The following SHPRH variants were observed in gnomAD, a reference collection of about 807,000 sequenced individuals.
SHPRH encodes the protein SNF2 histone linker PHD RING helicase, also known as E3 ubiquitin-protein ligase SHPRH.
A neutral mutation model predicts 202.5 loss-of-function variants in SHPRH; 106 were observed. That is an observed-to-expected ratio of 0.52 (90% CI 0.45 to 0.62). The LOEUF (loss-of-function observed/expected upper bound fraction) is 0.62. Ranked by LOEUF, SHPRH falls within the 20% of genes least tolerant of loss-of-function variation. SHPRH has a pLI of 0.00. For missense variants in SHPRH, 1,710 were observed against 2,020.0 expected, an observed-to-expected ratio of 0.85 and a Z score of 2.94; for synonymous variants, 729 against 686.0, an observed-to-expected ratio of 1.06 and a Z score of -0.98.
intron 22 of SHPRH, chr6:145,918,478 T>C (rs1784143794): frequency 8.0e-6 from 2 of 249,656 alleles, no homozygotes; most frequent in Non-Finnish European, 1.5e-5. Context: ...CCTATGTACC[T>C]GAAGTCAGAT....
intron 28 of SHPRH, among the ~76,000 whole-genome samples, chr6:145,890,122 C>T (rs1482030319): frequency 6.6e-6 from 1 of 152,262 alleles, no homozygotes; most frequent in East Asian, 1.9e-4. Flanking sequence ...TCTTCCTTTT[C>T]TCTGCAGCAA....
intron 1 of SHPRH, among the ~76,000 whole-genome samples, chr6:145,959,754 A>T (rs1203541710): frequency 3.3e-5 from 5 of 152,248 alleles, no homozygotes; most frequent in Non-Finnish European, 7.3e-5. Flanking sequence ...TAAGTCAATC[A>T]TGAGAATTCT....
rs964203052 is a variant in SHPRH, at chr6:145,885,429, G to A, written c.*1262C>T. 1.3e-5 allele frequency: 2 copies of A among 152,414 alleles called. No individual in the cohort carries two copies. The highest frequency in any genetic ancestry group is 4.8e-5 in the African/African-American group (2 of 41,422). The allele number at this position is 152,414 out of a possible 1,614,324, so 9.4% of individuals were successfully genotyped here. On this transcript the variant is annotated 3_prime_UTR_variant, in exon 30 of 30. Coordinates refer to ENST00000275233, the MANE Select transcript of SHPRH (RefSeq NM_001042683.3). The stretch of plus-strand genomic sequence containing the variant: ...CTTAACTAAGCACCAAAGCCTCTCG[G>A]ACAAATGGGATCTAGGGAATGGTTC...
At chr6:145,888,144 C>G (rs945921840) in intron 28 of SHPRH, 44 bp from the exon 29 acceptor site, 5 of 1,393,436 alleles carry the variant, frequency 3.6e-6, no homozygotes, top group Non-Finnish European at 5.1e-6. Flanking sequence ...CATAGTAAAA[C>G]AAATCAGTAC....
In SHPRH at chr6:145,915,186, C is replaced by A. The variant is rs139296348; in HGVS notation, c.4255-1637G>T. On this transcript the variant is annotated intron_variant, in intron 23 of 29. Transcript: ENST00000275233. Reference sequence around the variant, plus strand: ...AATTATAAATATAAATATTATAATACAATTATAATAAAATAAATTTTAATA... The same window carrying A: ...AATTATAAATATAAATATTATAATAAAATTATAATAAAATAAATTTTAATA... Among the ~76,000 whole-genome samples, 593 of 147,000 alleles carry A rather than the reference C, an allele frequency of 4.0e-3. 17 individuals are homozygous for A. In the East Asian group the frequency reaches 0.071, roughly 18 times the overall value.
intron 11 of SHPRH, 97 bp downstream of exon 11, chr6:145,940,626 A>T (rs1026938724): frequency 8.6e-7 from 1 of 1,162,568 alleles, no homozygotes; most frequent in Non-Finnish European, 1.3e-6. Flanking sequence ...CATCACTTCA[A>T]TAGGGACTGC....
intron 14 of SHPRH, among the ~76,000 whole-genome samples, chr6:145,932,235 T>TA (rs1419128040): frequency 1.3e-5 from 2 of 152,162 alleles, no homozygotes; most frequent in Non-Finnish European, 2.9e-5. Context: ...GGTGTGTCTA[T>TA]ATGGTGCTTA....
chr6:145,913,080 G>C (rs926706329), intron 24 of SHPRH, among the ~76,000 whole-genome samples: 9 of 152,070 alleles, frequency 5.9e-5, no homozygotes, highest in African/African-American at 2.2e-4. Flanking sequence ...ATACTGGCAA[G>C]TAAGAACTAC....
At chr6:145,894,831 T>G (rs769567224) in intron 26 of SHPRH, 54 bp downstream of exon 26, 99 of 1,550,070 alleles carry the variant, frequency 6.4e-5, no homozygotes, top group Non-Finnish European at 8.3e-5. Context: ...GTAAACTGAT[T>G]AGAGAGGGAA....
intron 2 of SHPRH, among the ~76,000 whole-genome samples, chr6:145,878,941 G>A (rs1286559214): frequency 1.3e-5 from 2 of 151,998 alleles, no homozygotes; most frequent in Non-Finnish European, 1.5e-5. Context: ...TCAAAATCAA[G>A]GAATAAGAAT....
At chr6:145,937,399 T>C (rs1786230256) in intron 11 of SHPRH, among the ~76,000 whole-genome samples, 1 of 152,174 alleles carries the variant, frequency 6.6e-6, no homozygotes, top group African/African-American at 2.4e-5. Context: ...CCTTATCCAC[T>C]TTTTTCTGTT....
chr6:145,930,700 T>C (rs1030407245), intron 14 of SHPRH, among the ~76,000 whole-genome samples: 1 of 152,184 alleles, frequency 6.6e-6, no homozygotes, highest in Non-Finnish European at 1.5e-5. Flanking sequence ...TCCTCTTTGG[T>C]TGGGTAGTCA....
rs375884117 is a variant in SHPRH at position 145,933,195 on chromosome 6, A to G, written c.2991-17T>C. On this transcript the variant is annotated splice_polypyrimidine_tract_variant and intron_variant, in intron 13 of 29. Transcript: ENST00000275233. ...GTCATGGTGCTAAAAGAAAAGGTAGACTGTTCAAAACTAGAAAGAAAATCC... is the reference window on the plus strand; with the variant it reads ...GTCATGGTGCTAAAAGAAAAGGTAGGCTGTTCAAAACTAGAAAGAAAATCC... 1 of 1,613,630 alleles carries G rather than the reference A, an allele frequency of 6.2e-7. No homozygotes were observed. Among genetic ancestry groups the G allele is most frequent in the South Asian group, 1.1e-5 (1 of 91,068 alleles).
At chr6:145,866,609 C>T (rs1318733845) in intron 2 of SHPRH, among the ~76,000 whole-genome samples, 7 of 152,154 alleles carry the variant, frequency 4.6e-5, no homozygotes, top group African/African-American at 1.7e-4. Context: ...CCTCTGACCT[C>T]CTTTTGCAAG....
In SHPRH at chr6:145,941,737, C is replaced by A; in HGVS notation, c.2376G>T (p.Gly792=). 6.2e-7 allele frequency: 1 copy of A among 1,614,018 alleles called. No homozygotes were observed. Among genetic ancestry groups the A allele is most frequent in the Non-Finnish European group, 8.5e-7 (1 of 1,179,962 alleles). ...AGCGCTTCTGGTTCCGTAGGCGACG[C>A]CCATCCTCACTATTGCTATGTGGGA... is the stretch of plus-strand genomic sequence containing the variant. ...VDIPHSNSED[G]RRLRNQKRYM... The change falls in exon 10 of 30, where the codon GGG becomes GGT. Residue 792 remains glycine, a synonymous_variant. Coordinates refer to ENST00000275233, the MANE Select transcript of SHPRH (RefSeq NM_001042683.3).
At chr6:145,920,520 T>C (rs1332323820) in intron 21 of SHPRH, among the ~76,000 whole-genome samples, 1 of 151,900 alleles carries the variant, frequency 6.6e-6, no homozygotes, top group Non-Finnish European at 1.5e-5. Context: ...ATTTTTATCC[T>C]ACTTTAAAAA....
At chr6:145,945,762 CAG>C in intron 7 of SHPRH, 125 bp from the exon 8 acceptor site, 1 of 1,026,554 alleles carries the variant, frequency 9.7e-7, no homozygotes, top group Non-Finnish European at 1.3e-6. Flanking sequence ...TTTATTACAG[CAG>C]AGTGCCATTT....
chr6:145,865,724 C>T (rs1481400286), intron 2 of SHPRH, among the ~76,000 whole-genome samples: 1 of 152,216 alleles, frequency 6.6e-6, no homozygotes, highest in East Asian at 1.9e-4. Context: ...GGCAATCTCT[C>T]CAAGAGTTGG....
Position 145,935,030 on chromosome 6 carries a change from G to A in SHPRH, c.2867C>T (p.Ala956Val), listed in dbSNP as rs754552133. ...TCTGTCTAGGCTGCTGAGCTTCAGA[G>A]CCCAGTCAGAAATCTTCCTGAGTTT... is the stretch of plus-strand genomic sequence containing the variant. ...VVKLRKISDW[A>V]LKLSSLDRRT... Residue 956 changes from alanine to valine, a missense_variant, in exon 13 of 30, where the codon GCT becomes GTT. Physicochemically the swap from Ala to Val is moderately conservative, Grantham distance 64 (BLOSUM62 0). This residue lies in a region of SHPRH where 277 missense variants were observed against 363.0 expected (regional missense o/e 0.76). Coordinates refer to ENST00000275233, the MANE Select transcript of SHPRH (RefSeq NM_001042683.3). The A allele has an allele frequency of 6.2e-7, 1 of 1,614,022 alleles. No individual in the cohort carries two copies. Among genetic ancestry groups the A allele is most frequent in the Non-Finnish European group, 8.5e-7 (1 of 1,180,004 alleles).
Sources: gnomAD v4.1 joint callset for allele counts (sites outside exome capture counted in the v4.1 genomes callset) on GRCh38, gnomAD v4.1.1 for gene constraint, gnomAD v4.1.1 regional missense constraint, MANE v1.5 for transcripts, NCBI Gene and HGNC (gene_info 2026-07-23, HGNC 2026-07-21) for gene names.